Variants in CLIC5 observed in about 807,000 individuals in gnomAD.
CLIC5 encodes the protein chloride intracellular channel protein 5.
Under a neutral mutation model 24.7 loss-of-function variants are expected in CLIC5, and 20 were observed. That is an observed-to-expected ratio of 0.81 (90% CI 0.57 to 1.18). The LOEUF (loss-of-function observed/expected upper bound fraction) is 1.18. CLIC5 is among the 50% of genes most tolerant of loss of function. CLIC5 has a pLI of 0.00. For synonymous variants in CLIC5, 159 were observed against 135.6 expected, an observed-to-expected ratio of 1.17 and a Z score of -1.20; for missense variants, 341 against 326.1, an observed-to-expected ratio of 1.05 and a Z score of -0.35.
At chr6:46,067,254 G>A (rs927449277) in intron 1 of CLIC5, among the ~76,000 whole-genome samples, 7 of 152,032 alleles carry the variant, frequency 4.6e-5, no homozygotes, top group East Asian at 3.9e-4. Context: ...CGGAGCTACC[G>A]AGATAAGAAA....
At chr6:45,885,817 A>G (rs918487126) in intron 6 of CLIC5, among the ~76,000 whole-genome samples, 4 of 152,202 alleles carry the variant, frequency 2.6e-5, no homozygotes, top group Admixed American at 2.6e-4. Context: ...CAAGAAGTTC[A>G]GAGAAACAGT....
intron 1 of CLIC5, among the ~76,000 whole-genome samples, chr6:46,048,201 C>T (rs1195437003): frequency 6.6e-6 from 1 of 152,082 alleles, no homozygotes; most frequent in Non-Finnish European, 1.5e-5. Flanking sequence ...CAGGGTTTTG[C>T]CATATTGGCC....
chr6:45,914,717 C>A (rs1056439114), intron 4 of CLIC5, among the ~76,000 whole-genome samples: 8 of 151,754 alleles, frequency 5.3e-5, no homozygotes, highest in Non-Finnish European at 8.8e-5. Context: ...CTTTGGGAGG[C>A]CGAGGCGGGC....
chr6:46,029,376 G>A (rs1043003119), intron 1 of CLIC5, among the ~76,000 whole-genome samples: 1 of 152,146 alleles, frequency 6.6e-6, no homozygotes, highest in Non-Finnish European at 1.5e-5. Context: ...AGTCCTGAGA[G>A]GTAGAAGAAC....
chr6:46,052,188 C>T (rs535029519), intron 1 of CLIC5, among the ~76,000 whole-genome samples: 1 of 152,066 alleles, frequency 6.6e-6, no homozygotes, highest in Non-Finnish European at 1.5e-5. Flanking sequence ...TACCACACCC[C>T]CTCTTTGAGA....
intron 4 of CLIC5, 53 bp downstream of exon 4, chr6:45,941,494 T>C: frequency 7.3e-7 from 1 of 1,368,958 alleles, no homozygotes; most frequent in Non-Finnish European, 1.0e-6. Flanking sequence ...GAAGATGCCT[T>C]GGGCAGCAGA....
chr6:45,973,158 C>T (rs1765259325), intron 1 of CLIC5, among the ~76,000 whole-genome samples: 1 of 152,158 alleles, frequency 6.6e-6, no homozygotes, highest in Non-Finnish European at 1.5e-5. Flanking sequence ...CTCGAACAGG[C>T]CCCATCCTGC....
intron 5 of CLIC5, chr6:45,912,817 A>G: frequency 9.9e-7 from 1 of 1,012,120 alleles, no homozygotes; most frequent in South Asian, 1.4e-5. Flanking sequence ...GATTGGCTGG[A>G]CCTACAAGTG....
chr6:45,907,681 T>C (rs1276281396), intron 5 of CLIC5, among the ~76,000 whole-genome samples: 1 of 152,156 alleles, frequency 6.6e-6, no homozygotes, highest in Non-Finnish European at 1.5e-5. Context: ...TAGGTTTTTT[T>C]AAATTACTGA....
intron 1 of CLIC5, among the ~76,000 whole-genome samples, chr6:46,003,038 C>A (rs982476537): frequency 6.6e-6 from 1 of 152,182 alleles, no homozygotes; most frequent in Non-Finnish European, 1.5e-5. Flanking sequence ...TGAAGCCAGG[C>A]TCTACAATGT....
intron 3 of CLIC5, among the ~76,000 whole-genome samples, chr6:45,945,731 G>A (rs776700413): frequency 5.3e-5 from 8 of 152,158 alleles, no homozygotes; most frequent in Non-Finnish European, 1.0e-4. Flanking sequence ...CCATCCTGTG[G>A]GAGGTCTGGA....
chr6:46,081,163 G>A (rs1762913311), upstream of CLIC5, among the ~76,000 whole-genome samples: 1 of 152,190 alleles, frequency 6.6e-6, no homozygotes, highest in Admixed American at 6.5e-5. Flanking sequence ...GTCTGGATAA[G>A]CAATAAAAAA....
At chr6:46,006,232 C>T (rs550109776) in intron 1 of CLIC5, among the ~76,000 whole-genome samples, 1 of 149,302 alleles carries the variant, frequency 6.7e-6, no homozygotes, top group African/African-American at 2.5e-5. Context: ...GCAGCCTCCG[C>T]CTCCTTGGTT....
intron 1 of CLIC5, among the ~76,000 whole-genome samples, chr6:46,036,316 T>C (rs1004122351): frequency 7.1e-6 from 1 of 141,550 alleles, no homozygotes; most frequent in Non-Finnish European, 1.5e-5. Context: ...CTTTTTTTTT[T>C]TTTTTTTTTT....
At chr6:45,910,449 T>C (rs1210576554) in intron 5 of CLIC5, among the ~76,000 whole-genome samples, 1 of 152,174 alleles carries the variant, frequency 6.6e-6, no homozygotes, top group Non-Finnish European at 1.5e-5. Flanking sequence ...GTGTCAAGTG[T>C]AATAAAATAA....
intron 1 of CLIC5, among the ~76,000 whole-genome samples, chr6:45,973,657 G>T (rs1038748578): frequency 1.3e-5 from 2 of 152,198 alleles, no homozygotes; most frequent in African/African-American, 4.8e-5. Flanking sequence ...CAGAATAGGT[G>T]GCCGGGCACA....
At chr6:46,096,908 A>G in the CLIC5 span, among the ~76,000 whole-genome samples, 89,573 of 152,072 alleles carry the variant, frequency 0.59, 26,535 homozygotes, top group Middle Eastern at 0.77. Flanking sequence ...AACAGTGGTT[A>G]CTTGAAAACC....
rs922831044 is a variant in CLIC5, at chr6:45,892,890, A to G, written c.624-11702T>C. Among the ~76,000 whole-genome samples, 52 of 152,170 alleles carry G rather than the reference A, an allele frequency of 3.4e-4. 1 individual carries two copies. Among genetic ancestry groups the G allele is most frequent in the African/African-American group, 1.2e-3 (50 of 41,430 alleles). On this transcript the variant is annotated intron_variant, in intron 6 of 6. Transcript: ENST00000644324. ...GTTGGCTTTCTGCCTTGATGCATTTATAGGAGCTTTTATTATTGACTTTGG... is the reference window on the plus strand; with the variant it reads ...GTTGGCTTTCTGCCTTGATGCATTTGTAGGAGCTTTTATTATTGACTTTGG...
chr6:46,034,384 G>A (rs1383628293), intron 1 of CLIC5, among the ~76,000 whole-genome samples: 1 of 152,190 alleles, frequency 6.6e-6, no homozygotes, highest in Non-Finnish European at 1.5e-5. Context: ...GTATCCCTGA[G>A]CTGGGAAATA....
Sources: allele counts gnomAD v4.1 joint callset (sites outside exome capture counted in the v4.1 genomes callset), GRCh38; gene constraint gnomAD v4.1.1; transcripts MANE v1.5; gene names NCBI Gene and HGNC (gene_info 2026-07-23, HGNC 2026-07-21).